ZC3H12B: variants seen among roughly 807,000 people sequenced by gnomAD.
ZC3H12B encodes the protein probable ribonuclease ZC3H12B.
In ZC3H12B, 7 loss-of-function variants were observed where a neutral mutation model predicts 43.9. The ratio of observed to expected loss-of-function variants is 0.16; its 90% CI spans 0.09 to 0.30. ZC3H12B has a LOEUF of 0.30. Among genes scored for constraint, ZC3H12B ranks in the 10% least tolerant of loss-of-function variants. ZC3H12B has a pLI of 1.00. For synonymous variants in ZC3H12B, 222 were observed against 241.7 expected, an observed-to-expected ratio of 0.92 and a Z score of 0.76; for missense variants, 475 against 670.2, an observed-to-expected ratio of 0.71 and a Z score of 3.22.
At chrX:65,113,985 GTATATATATATATA>G in the ZC3H12B span, among the ~76,000 whole-genome samples, 3,862 of 47,442 alleles carry the variant, frequency 0.081, 232 homozygotes, top group African/African-American at 0.15. Flanking sequence ...AGATATGCTT[GTATATATATATATA>G]TATATATATA....
chrX:65,108,296 AT>A, the ZC3H12B span, among the ~76,000 whole-genome samples: 1 of 111,767 alleles, frequency 8.9e-6, no homozygotes, highest in African/African-American at 3.2e-5. Flanking sequence ...AAACATTTTA[AT>A]TTTTTAATTT....
chrX:65,248,511 T>G, the ZC3H12B span, among the ~76,000 whole-genome samples: 2 of 112,070 alleles, frequency 1.8e-5, no homozygotes, highest in Admixed American at 1.9e-4. Context: ...ATTTATTCAG[T>G]GCTTATGATA....
At chrX:65,286,113 A>G in the ZC3H12B span, among the ~76,000 whole-genome samples, 1 of 111,912 alleles carries the variant, frequency 8.9e-6, no homozygotes, top group East Asian at 2.8e-4. Flanking sequence ...ACATGCACTC[A>G]TATGTTAAAC....
chrX:65,384,271 A>G (rs1260682892), intron 2 of ZC3H12B, among the ~76,000 whole-genome samples: 4 of 106,824 alleles, frequency 3.7e-5, no homozygotes, highest in East Asian at 5.8e-4. Context: ...TCACAAGAAC[A>G]AAAAACCAAA....
At chrX:65,192,072 G>C in the ZC3H12B span, among the ~76,000 whole-genome samples, 9 of 110,328 alleles carry the variant, frequency 8.2e-5, no homozygotes, top group Middle Eastern at 4.2e-3. Flanking sequence ...AGTAGTCATT[G>C]AGGAGCAGGT....
At chrX:65,257,053 C>T in the ZC3H12B span, among the ~76,000 whole-genome samples, 7 of 112,013 alleles carry the variant, frequency 6.2e-5, no homozygotes, top group Admixed American at 6.6e-4. Flanking sequence ...GGTGATTCCT[C>T]AGGGATCTAG....
At chrX:65,235,963 C>T in the ZC3H12B span, among the ~76,000 whole-genome samples, 1 of 111,948 alleles carries the variant, frequency 8.9e-6, no homozygotes, top group Non-Finnish European at 1.9e-5. Context: ...AAGGAAAGCT[C>T]TCAGCTCTGA....
chrX:65,099,507 G>A, the ZC3H12B span, among the ~76,000 whole-genome samples: 2 of 111,642 alleles, frequency 1.8e-5, no homozygotes, highest in East Asian at 2.8e-4. Flanking sequence ...GTGCCACTCT[G>A]GGACAAAGCT....
At chrX:65,227,973 A>G in the ZC3H12B span, among the ~76,000 whole-genome samples, 1 of 111,761 alleles carries the variant, frequency 8.9e-6, no homozygotes, top group East Asian at 2.8e-4. Context: ...AACTGGTACC[A>G]TTCCTTCTGA....
the ZC3H12B span, among the ~76,000 whole-genome samples, chrX:65,149,508 G>T: frequency 8.1e-5 from 9 of 110,856 alleles, no homozygotes; most frequent in African/African-American, 3.0e-4. Context: ...GCTCATGCCT[G>T]TAAACCCAGC....
At chrX:65,169,304 T>C in the ZC3H12B span, among the ~76,000 whole-genome samples, 1 of 112,247 alleles carries the variant, frequency 8.9e-6, no homozygotes, top group Non-Finnish European at 1.9e-5. Context: ...CCGTAGTCAT[T>C]CAGGAGCAGG....
the ZC3H12B span, among the ~76,000 whole-genome samples, chrX:65,228,164 A>G: frequency 3.4e-3 from 382 of 111,940 alleles, 3 homozygotes; most frequent in African/African-American, 0.011. Context: ...ATCCAGCAAC[A>G]CATCAAAAAG....
At chrX:65,423,826 C>G (rs2067048652) in intron 3 of ZC3H12B, among the ~76,000 whole-genome samples, 1 of 111,059 alleles carries the variant, frequency 9.0e-6, no homozygotes, top group Non-Finnish European at 1.9e-5. Context: ...GATGATAGTT[C>G]CTTTGGTTGT....
chrX:65,114,046 A>T, the ZC3H12B span, among the ~76,000 whole-genome samples: 3 of 79,770 alleles, frequency 3.8e-5, no homozygotes, highest in Non-Finnish European at 7.5e-5. Context: ...GCCTGTTAAT[A>T]TGGTGAAGTA....
chrX:65,486,170 C>A (rs1450977289), upstream of ZC3H12B, among the ~76,000 whole-genome samples: 1 of 112,500 alleles, frequency 8.9e-6, no homozygotes, highest in African/African-American at 3.2e-5. Context: ...GGTGACCAAT[C>A]ATATACCCAG....
the ZC3H12B span, chrX:65,357,072 A>T: frequency 1.8e-6 from 1 of 571,070 alleles, no homozygotes; most frequent in South Asian, 2.3e-5. Flanking sequence ...AATCAAAGAG[A>T]GGGCCAGTCA....
the ZC3H12B span, among the ~76,000 whole-genome samples, chrX:65,240,227 A>G: frequency 4.5e-5 from 5 of 111,781 alleles, no homozygotes; most frequent in East Asian, 5.6e-4. Context: ...TGATAGGTTC[A>G]GTCTTTTTAC....
At chrX:65,388,906 C>T (rs1398232676) in intron 2 of ZC3H12B, among the ~76,000 whole-genome samples, 1 of 111,993 alleles carries the variant, frequency 8.9e-6, no homozygotes, top group Non-Finnish European at 1.9e-5. Context: ...AGGTCCACTC[C>T]AGATCCTGTT....
chrX:65,325,685 T>C, the ZC3H12B span, among the ~76,000 whole-genome samples: 16 of 111,582 alleles, frequency 1.4e-4, no homozygotes, highest in Admixed American at 3.8e-4. Flanking sequence ...CAAAGTGATC[T>C]ACAAATTCAG....
Sources: gnomAD v4.1 joint callset for allele counts (sites outside exome capture counted in the v4.1 genomes callset) on GRCh38, gnomAD v4.1.1 for gene constraint, MANE v1.5 for transcripts, NCBI Gene and HGNC (gene_info 2026-07-23, HGNC 2026-07-21) for gene names.